MLLT10: variants seen among roughly 807,000 people sequenced by gnomAD.
The protein encoded by MLLT10 is protein AF-10.
A neutral mutation model predicts 129.1 loss-of-function variants in MLLT10; 30 were observed. The ratio of observed to expected loss-of-function variants is 0.23; its 90% confidence interval spans 0.17 to 0.32. The LOEUF is 0.32. MLLT10 is among the 10% of genes least tolerant of loss of function. The pLI is 1.00. For synonymous variants in MLLT10, 490 were observed against 446.4 expected (o/e 1.10, Z -1.23); for missense variants, 1,119 against 1,268.3 (o/e 0.88, Z 1.79).
rs2058451451 is a variant in MLLT10, at chr10:21,737,287, G to C, written c.2955+2052G>C. On this transcript the variant is annotated intron_variant, in intron 21 of 22. Transcript: ENST00000307729. ...AAATGGTTCAAAAGGAAATGGGAGGGAGAGGAAGTAAAGATAGCATATGGG... is the reference window on the plus strand; with the variant it reads ...AAATGGTTCAAAAGGAAATGGGAGGCAGAGGAAGTAAAGATAGCATATGGG... Among the ~76,000 whole-genome samples the C allele has an allele frequency of 2.0e-5, 3 of 152,268 alleles. No homozygotes were observed. The South Asian group carries it at 6.2e-4, about 32-fold the overall frequency.
intron 3 of MLLT10, among the ~76,000 whole-genome samples, chr10:21,584,888 A>T (rs1297763091): frequency 6.7e-6 from 1 of 150,240 alleles, no homozygotes; most frequent in East Asian, 1.9e-4. Flanking sequence ...GTGTGTGTTT[A>T]TATATATGTA....
At chr10:21,537,766 A>C (rs997995158) in intron 2 of MLLT10, among the ~76,000 whole-genome samples, 1 of 151,980 alleles carries the variant, frequency 6.6e-6, no homozygotes, top group South Asian at 2.1e-4. Context: ...ACCGCGTCCG[A>C]CCTGAATTTA....
At chr10:21,641,443 T>A (rs2047992881) in intron 8 of MLLT10, among the ~76,000 whole-genome samples, 3 of 152,208 alleles carry the variant, frequency 2.0e-5, no homozygotes, top group Admixed American at 6.5e-5. Flanking sequence ...AAGGCAGATT[T>A]ATTTGGCTGT....
intron 5 of MLLT10, 193 bp downstream of exon 5, chr10:21,595,633 CTG>C (rs1438299211): frequency 1.1e-5 from 5 of 463,018 alleles, no homozygotes; most frequent in Admixed American, 1.0e-4. Flanking sequence ...GCAAGCAAAA[CTG>C]TGTTACCTTT....
intron 2 of MLLT10, among the ~76,000 whole-genome samples, chr10:21,536,789 CT>C (rs769854157): frequency 9.1e-4 from 132 of 144,286 alleles, no homozygotes; most frequent in African/African-American, 1.9e-3. Context: ...TTGGTCTTGA[CT>C]TTTTTTTTTT....
At chr10:21,602,815 A>T (rs1371718828) in intron 5 of MLLT10, among the ~76,000 whole-genome samples, 11 of 146,884 alleles carry the variant, frequency 7.5e-5, no homozygotes, top group Non-Finnish European at 1.2e-4. Context: ...TGCAAGCTCC[A>T]CCTCCCAGGG....
intron 8 of MLLT10, among the ~76,000 whole-genome samples, chr10:21,623,878 T>C (rs1413803863): frequency 6.6e-6 from 1 of 152,176 alleles, no homozygotes; most frequent in Non-Finnish European, 1.5e-5. Context: ...TAACTGATAG[T>C]GGTTAGAAGA....
intron 2 of MLLT10, 64 bp from the exon 3 acceptor site, chr10:21,538,769 G>C: frequency 8.4e-7 from 1 of 1,191,200 alleles, no homozygotes; most frequent in Non-Finnish European, 1.2e-6. Context: ...GGCTTTGAAA[G>C]GGTATTTGAT....
chr10:21,662,652 G>C (rs558020315), intron 9 of MLLT10, among the ~76,000 whole-genome samples: 170 of 152,026 alleles, frequency 1.1e-3, no homozygotes, highest in Non-Finnish European at 2.1e-3. Flanking sequence ...AAAAATTATT[G>C]GTCTCATAAT....
At chr10:21,633,654 A>G (rs1469826442) in intron 8 of MLLT10, among the ~76,000 whole-genome samples, 2 of 152,186 alleles carry the variant, frequency 1.3e-5, no homozygotes, top group Non-Finnish European at 2.9e-5. Flanking sequence ...AGATTGTGCC[A>G]CCGCACTCCT....
chr10:21,588,985 A>T (rs371019302), intron 4 of MLLT10, among the ~76,000 whole-genome samples: 16 of 151,686 alleles, frequency 1.1e-4, no homozygotes, highest in Admixed American at 1.1e-3. Flanking sequence ...CACCGCGCCC[A>T]GCTGATTTTT....
chr10:21,651,856 T>A, intron 9 of MLLT10, 88 bp downstream of exon 9: 3 of 662,006 alleles, frequency 4.5e-6, no homozygotes, highest in Non-Finnish European at 7.6e-6. Flanking sequence ...ATTCCCTAAC[T>A]TTTCCCAGCT....
chr10:21,711,275 T>C (rs1408586313), intron 13 of MLLT10, among the ~76,000 whole-genome samples: 1 of 151,826 alleles, frequency 6.6e-6, no homozygotes, highest in African/African-American at 2.4e-5. Flanking sequence ...ATACAAAAAT[T>C]AGCTGAGTGT....
At chr10:21,717,020 G>A (rs2056614415) in intron 14 of MLLT10, among the ~76,000 whole-genome samples, 1 of 151,962 alleles carries the variant, frequency 6.6e-6, no homozygotes, top group South Asian at 2.1e-4. Flanking sequence ...ACTTTGGGAG[G>A]CCGAGGCGGG....
At chr10:21,717,696 TC>T (rs2056776382) in intron 14 of MLLT10, among the ~76,000 whole-genome samples, 1 of 115,392 alleles carries the variant, frequency 8.7e-6, no homozygotes, top group African/African-American at 3.8e-5. Flanking sequence ...CTCCTCCTCC[TC>T]CTCTTCCTCC....
At position 21,684,419 on chromosome 10, in the gene MLLT10, C is replaced by T. The variant is rs766992260; in HGVS notation, c.1699+2162C>T. On this transcript the variant is annotated intron_variant, in intron 13 of 22. Coordinates refer to ENST00000307729, the MANE Select transcript of MLLT10 (RefSeq NM_001195626.3). ...CGAAAAACCTAATAAGCTTCATTTC[C>T]GTATGATACTCAGCCACCTCAACCA... Among the ~76,000 whole-genome samples, 8 of 152,288 alleles carry T rather than the reference C, an allele frequency of 5.3e-5. No homozygotes were observed. The East Asian group carries it at 7.7e-4, about 15-fold the overall frequency.
chr10:21,639,252 A>T (rs1453679170), intron 8 of MLLT10, among the ~76,000 whole-genome samples: 1 of 152,212 alleles, frequency 6.6e-6, no homozygotes, highest in Non-Finnish European at 1.5e-5. Flanking sequence ...GCAAGCTGTC[A>T]GTTTTGCAGC....
At chr10:21,603,214 G>A (rs1035293824) in intron 5 of MLLT10, among the ~76,000 whole-genome samples, 4 of 149,790 alleles carry the variant, frequency 2.7e-5, no homozygotes, top group African/African-American at 4.9e-5. Context: ...CACCGTGCTC[G>A]GCTAATTTTT....
intron 11 of MLLT10, among the ~76,000 whole-genome samples, chr10:21,674,355 G>C (rs984337533): frequency 6.6e-6 from 1 of 151,802 alleles, no homozygotes; most frequent in African/African-American, 2.4e-5. Flanking sequence ...TTTTCTAAAC[G>C]ACTCCTCACA....
Sources: allele counts gnomAD v4.1 joint callset (sites outside exome capture counted in the v4.1 genomes callset), GRCh38; gene constraint gnomAD v4.1.1; transcripts MANE v1.5; gene names NCBI Gene and HGNC (gene_info 2026-07-23, HGNC 2026-07-21).